PRKCE: variants seen among roughly 807,000 people sequenced by gnomAD.
PRKCE encodes protein kinase C epsilon type.
A neutral mutation model predicts 85.4 loss-of-function variants in PRKCE; 16 were observed. The ratio of observed to expected loss-of-function variants is 0.19; its 90% CI spans 0.13 to 0.28. The LOEUF (loss-of-function observed/expected upper bound fraction) is 0.28. PRKCE is among the 10% of genes least tolerant of loss of function. The pLI is 1.00. For synonymous variants in PRKCE, 388 were observed against 371.5 expected (o/e 1.04, Z -0.51); for missense variants, 573 against 975.2 (o/e 0.59, Z 5.49).
chr2:46,015,893 G>C (rs1470750965), intron 10 of PRKCE, among the ~76,000 whole-genome samples: 18 of 152,112 alleles, frequency 1.2e-4, no homozygotes, highest in Non-Finnish European at 1.2e-4. Context: ...GGTTTGGTGA[G>C]TGCTTTTCGA....
intron 8 of PRKCE, among the ~76,000 whole-genome samples, chr2:46,006,908 TG>T (rs1388545350): frequency 6.6e-6 from 1 of 152,202 alleles, no homozygotes; most frequent in Admixed American, 6.5e-5. Context: ...TTGTGTAAGA[TG>T]GGTATTTAGA....
intron 14 of PRKCE, among the ~76,000 whole-genome samples, chr2:46,181,598 G>A (rs1679982924): frequency 6.6e-6 from 1 of 152,316 alleles, no homozygotes; most frequent in Admixed American, 6.5e-5. Context: ...ACAGCAAGTC[G>A]TGAAATTCAG....
intron 1 of PRKCE, among the ~76,000 whole-genome samples, chr2:45,762,943 CTT>C (rs766605895): frequency 8.0e-4 from 109 of 136,984 alleles, no homozygotes; most frequent in Non-Finnish European, 1.1e-3. Context: ...CTTTTCTTTT[CTT>C]TTCTTTTCTT....
rs184327327 is a variant in PRKCE at position 46,023,039 on chromosome 2, C to T, written c.1437+12522C>T. Among the ~76,000 whole-genome samples, 1,016 of 138,196 alleles carry T rather than the reference C, an allele frequency of 7.4e-3. 18 individuals carry two copies. The highest frequency in any genetic ancestry group is 0.027 in the African/African-American group (973 of 35,710). The allele number at this position is 138,196 out of a possible 152,430, so 90.7% of individuals were successfully genotyped here. A position where few individuals can be genotyped will look rare whatever the true frequency, so the allele number is the denominator to read the frequency against. On this transcript the variant is annotated intron_variant, in intron 10 of 14. Coordinates refer to ENST00000306156, the MANE Select transcript of PRKCE (RefSeq NM_005400.3). ...CGGAGCTTGCAGTGAGCCGAGATTG[C>T]GCCACTGCAGTCCGCAGTCCGTCCT...
chr2:46,167,762 CCTG>C (rs1161730913), intron 14 of PRKCE: 1 of 150,908 alleles, frequency 6.6e-6, no homozygotes, highest in Non-Finnish European at 1.5e-5. Flanking sequence ...CCCCCGGTCC[CCTG>C]CTTTTACTCT....
intron 10 of PRKCE, among the ~76,000 whole-genome samples, chr2:46,018,062 G>A (rs1706317164): frequency 6.6e-6 from 1 of 152,180 alleles, no homozygotes; most frequent in African/African-American, 2.4e-5. Flanking sequence ...AACTCAATGA[G>A]GCTGGGATTA....
chr2:46,128,822 C>T (rs1050103285), intron 11 of PRKCE, among the ~76,000 whole-genome samples: 1 of 152,158 alleles, frequency 6.6e-6, no homozygotes, highest in African/African-American at 2.4e-5. Context: ...TGTTGGTGAT[C>T]CTGGGGAGAG....
At chr2:46,032,757 A>G (rs1292822808) in intron 10 of PRKCE, among the ~76,000 whole-genome samples, 1 of 152,210 alleles carries the variant, frequency 6.6e-6, no homozygotes, top group East Asian at 1.9e-4. Context: ...AATCCTCTCC[A>G]TAATTTTCTC....
At chr2:45,913,590 C>G (rs191441943) in intron 2 of PRKCE, among the ~76,000 whole-genome samples, 19 of 152,344 alleles carry the variant, frequency 1.2e-4, no homozygotes, top group African/African-American at 3.6e-4. Flanking sequence ...CAAGTCTTGT[C>G]GCCTGGCCTG....
intron 1 of PRKCE, among the ~76,000 whole-genome samples, chr2:45,658,893 A>G (rs1675507151): frequency 6.6e-6 from 1 of 152,266 alleles, no homozygotes. Context: ...ATTACTTGAA[A>G]TGAGATTGTT....
chr2:46,001,556 T>G lies in PRKCE; in HGVS notation c.966+10T>G. 1 of 1,596,648 alleles carries G rather than the reference T, an allele frequency of 6.3e-7. No homozygotes were observed. Among genetic ancestry groups the G allele is most frequent in the Non-Finnish European group, 8.5e-7 (1 of 1,178,126 alleles). On this transcript the variant is annotated intron_variant, in intron 7 of 14. Transcript: ENST00000306156. This position sits in a 1 kb window ranked among gnomAD's most constrained non-coding sequence, Gnocchi z 4.4. The stretch of plus-strand genomic sequence containing the variant: ...CCAGAGAAGGAAAAAGGTAACTGGC[T>G]GTTTGGTGGTGTTGCTGGAGCCCTT...
chr2:45,775,658 C>T (rs73926079), intron 1 of PRKCE, among the ~76,000 whole-genome samples: 8,632 of 152,256 alleles, frequency 0.057, 599 homozygotes, highest in African/African-American at 0.16. Context: ...CTTCTCCTAC[C>T]AGGGAACTTG....
intron 1 of PRKCE, among the ~76,000 whole-genome samples, chr2:45,702,680 C>A (rs1362356773): frequency 6.6e-6 from 1 of 152,064 alleles, no homozygotes; most frequent in East Asian, 1.9e-4. Context: ...TATAGTAGAA[C>A]CCTTCTTTTT....
intron 13 of PRKCE, among the ~76,000 whole-genome samples, chr2:46,157,443 G>A (rs1309986924): frequency 6.6e-6 from 1 of 152,148 alleles, no homozygotes; most frequent in Admixed American, 6.5e-5. Context: ...GATATTTTTG[G>A]TGCTGCTGGC....
chr2:45,868,870 A>G (rs1210420632), intron 2 of PRKCE, among the ~76,000 whole-genome samples: 1 of 151,514 alleles, frequency 6.6e-6, no homozygotes, highest in Non-Finnish European at 1.5e-5. Flanking sequence ...AGACAGAAGA[A>G]TCTCTTGAAT....
intron 11 of PRKCE, among the ~76,000 whole-genome samples, chr2:46,133,656 C>G (rs187154750): frequency 1.8e-3 from 268 of 152,094 alleles, no homozygotes; most frequent in African/African-American, 5.7e-3. Context: ...ATACTGGGTA[C>G]TTTGCAGGGC....
At chr2:46,123,997 G>T (rs1014364185) in intron 11 of PRKCE, among the ~76,000 whole-genome samples, 1 of 152,166 alleles carries the variant, frequency 6.6e-6, no homozygotes, top group African/African-American at 2.4e-5. Flanking sequence ...AGCCATCCTG[G>T]GTTGAAAAGT....
At chr2:45,738,638 GA>G (rs1682285834) in intron 1 of PRKCE, among the ~76,000 whole-genome samples, 1 of 152,176 alleles carries the variant, frequency 6.6e-6, no homozygotes, top group Admixed American at 6.5e-5. Context: ...GAATTGTACT[GA>G]ATTTGAGCAT....
At chr2:45,692,708 G>GACAC (rs61597020) in intron 1 of PRKCE, among the ~76,000 whole-genome samples, 47,048 of 149,376 alleles carry the variant, frequency 0.31, 8,012 homozygotes, top group South Asian at 0.46. Context: ...TCCAAGGGAG[G>GACAC]ACACACACAC....
Sources: allele counts gnomAD v4.1 joint callset (sites outside exome capture counted in the v4.1 genomes callset), GRCh38; gene constraint gnomAD v4.1.1; non-coding constraint Gnocchi (gnomAD v3.1); transcripts MANE v1.5; gene names NCBI Gene and HGNC (gene_info 2026-07-23, HGNC 2026-07-21).